The following GPC5 variants were observed in gnomAD, a reference collection of about 807,000 sequenced individuals.
GPC5 encodes the protein glypican-5.
In GPC5, 47 loss-of-function variants were observed where a neutral mutation model predicts 53.9. The observed-to-expected ratio is 0.87, with a 90% CI of 0.69 to 1.11. GPC5 has a LOEUF of 1.11. Among genes scored for constraint, GPC5 ranks in the 50% most tolerant of loss-of-function variants. GPC5 has a pLI of 0.00. For synonymous variants in GPC5, 286 were observed against 263.3 expected, an observed-to-expected ratio of 1.09 and a Z score of -0.84; for missense variants, 748 against 713.1, an observed-to-expected ratio of 1.05 and a Z score of -0.56.
intron 7 of GPC5, among the ~76,000 whole-genome samples, chr13:92,771,346 T>C (rs77254254): frequency 6.6e-6 from 1 of 152,228 alleles, no homozygotes; most frequent in African/African-American, 2.4e-5. Flanking sequence ...TCCTTTATTA[T>C]CCAGTTTTTC....
At chr13:91,769,004 A>C (rs2037574066) in intron 5 of GPC5, among the ~76,000 whole-genome samples, 1 of 150,890 alleles carries the variant, frequency 6.6e-6, no homozygotes, top group Non-Finnish European at 1.5e-5. Context: ...ACAAAAACAA[A>C]ACCAGTCTTT....
At chr13:91,797,921 T>C (rs1010574974) in intron 5 of GPC5, among the ~76,000 whole-genome samples, 5 of 152,130 alleles carry the variant, frequency 3.3e-5, no homozygotes, top group African/African-American at 1.2e-4. Context: ...TAAATATTTA[T>C]ATTAGGCCTC....
intron 7 of GPC5, among the ~76,000 whole-genome samples, chr13:92,684,391 C>T (rs1887196939): frequency 6.6e-6 from 1 of 152,062 alleles, no homozygotes; most frequent in Non-Finnish European, 1.5e-5. Context: ...CTGTCTCAGC[C>T]TCCTGAGCAG....
chr13:92,495,715 TTTG>T (rs1316188958), intron 7 of GPC5, among the ~76,000 whole-genome samples: 3 of 151,976 alleles, frequency 2.0e-5, no homozygotes, highest in East Asian at 1.9e-4. Context: ...GTTTTTTGTT[TTTG>T]TTGTTGTTGT....
At chr13:91,916,141 T>G in intron 6 of GPC5, among the ~76,000 whole-genome samples, 1 of 152,144 alleles carries the variant, frequency 6.6e-6, no homozygotes, top group Non-Finnish European at 1.5e-5. Context: ...ATAATAAAAA[T>G]GACAGGTAAT....
chr13:91,819,290 G>T (rs1001339452), intron 5 of GPC5, among the ~76,000 whole-genome samples: 8 of 150,144 alleles, frequency 5.3e-5, no homozygotes, highest in African/African-American at 2.0e-4. Context: ...CTCCTGAGTA[G>T]CTGGGATTAC....
chr13:92,203,024 A>G (rs1462591747), intron 7 of GPC5, among the ~76,000 whole-genome samples: 1 of 152,240 alleles, frequency 6.6e-6, no homozygotes, highest in East Asian at 1.9e-4. Context: ...ATCAAGCAAC[A>G]TAGTACAAAA....
At chr13:91,883,790 T>A (rs1202885497) in intron 5 of GPC5, among the ~76,000 whole-genome samples, 2 of 152,162 alleles carry the variant, frequency 1.3e-5, no homozygotes, top group Non-Finnish European at 2.9e-5. Context: ...TTTTATTTTT[T>A]AAATTTAACT....
intron 4 of GPC5, among the ~76,000 whole-genome samples, chr13:91,751,312 G>T (rs1313953011): frequency 6.6e-6 from 1 of 152,140 alleles, no homozygotes; most frequent in African/African-American, 2.4e-5. Context: ...TCTGATTAAT[G>T]AATTATTAGT....
rs1433664314 is a variant in GPC5 at position 92,619,231 on chromosome 13, C to T, written c.1562-247051C>T. ...AGATTAGTTCTAACAAATTAATAAT[C>T]ACTAATGTGTTTATTTTTAAAATGG... is the stretch of plus-strand genomic sequence containing the variant. On this transcript the variant is annotated intron_variant, in intron 7 of 7. Coordinates refer to ENST00000377067, the MANE Select transcript of GPC5 (RefSeq NM_004466.6). Among the ~76,000 whole-genome samples, 5 of 151,972 alleles carry T rather than the reference C, an allele frequency of 3.3e-5. No individual in the cohort carries two copies. The East Asian group carries it at 7.7e-4, about 23-fold the overall frequency.
chr13:91,973,595 G>T (rs913039763), intron 6 of GPC5, among the ~76,000 whole-genome samples: 1 of 152,172 alleles, frequency 6.6e-6, no homozygotes, highest in Non-Finnish European at 1.5e-5. Context: ...CATCTTTGTG[G>T]TTTTATCTAC....
At chr13:91,883,988 A>G (rs950294276) in intron 5 of GPC5, among the ~76,000 whole-genome samples, 1 of 152,110 alleles carries the variant, frequency 6.6e-6, no homozygotes, top group Non-Finnish European at 1.5e-5. Flanking sequence ...ACCAACAAAC[A>G]TATGAAAAAA....
chr13:92,012,307 C>T (rs1046319784), intron 6 of GPC5, among the ~76,000 whole-genome samples: 2 of 152,032 alleles, frequency 1.3e-5, no homozygotes, highest in Non-Finnish European at 2.9e-5. Context: ...TACATAGGAA[C>T]TTAAACTATC....
intron 2 of GPC5, among the ~76,000 whole-genome samples, chr13:91,501,369 A>G (rs1884627999): frequency 6.7e-6 from 1 of 150,184 alleles, no homozygotes; most frequent in African/African-American, 2.5e-5. Context: ...AACATTAGGT[A>G]TATCTCCAAA....
chr13:91,834,250 A>G (rs760932658), intron 5 of GPC5, among the ~76,000 whole-genome samples: 2 of 152,192 alleles, frequency 1.3e-5, no homozygotes, highest in African/African-American at 4.8e-5. Flanking sequence ...AAGAGAGGAC[A>G]CAAATAAATG....
At chr13:92,633,090 C>T (rs1285636143) in intron 7 of GPC5, among the ~76,000 whole-genome samples, 1 of 152,100 alleles carries the variant, frequency 6.6e-6, no homozygotes, top group Non-Finnish European at 1.5e-5. Flanking sequence ...GGGGTTTCAC[C>T]ATGTTGGCCA....
intron 6 of GPC5, 149 bp downstream of exon 6, chr13:91,908,206 T>C: frequency 1.6e-6 from 1 of 641,030 alleles, no homozygotes; most frequent in Non-Finnish European, 2.5e-6. Flanking sequence ...TTTGGAAATA[T>C]TTAGTTTCAT....
intron 7 of GPC5, among the ~76,000 whole-genome samples, chr13:92,824,138 T>C (rs1274687562): frequency 6.6e-6 from 1 of 152,054 alleles, no homozygotes. Context: ...TTCATTTGCT[T>C]CCTGAAAACT....
chr13:91,574,943 A>T (rs564454864), intron 2 of GPC5, among the ~76,000 whole-genome samples: 99 of 152,170 alleles, frequency 6.5e-4, no homozygotes, highest in Non-Finnish European at 1.1e-3. Flanking sequence ...ATCATCCTAG[A>T]GTACTAGAAT....
Sources: gnomAD v4.1 joint callset for allele counts (sites outside exome capture counted in the v4.1 genomes callset) on GRCh38, gnomAD v4.1.1 for gene constraint, MANE v1.5 for transcripts, NCBI Gene and HGNC (gene_info 2026-07-23, HGNC 2026-07-21) for gene names.